Variants in PPM1B observed in about 807,000 individuals in gnomAD.
PPM1B encodes protein phosphatase, Mg2+/Mn2+ dependent 1B, also known as protein phosphatase 1B.
Under a neutral mutation model 43.0 loss-of-function variants are expected in PPM1B, and 22 were observed. That is an observed-to-expected ratio of 0.51 (90% CI 0.37 to 0.73). PPM1B has a LOEUF of 0.73. PPM1B is among the 30% of genes least tolerant of loss of function. The probability of loss-of-function intolerance (pLI) is 0.00; values close to 1 mark genes in which losing one functional copy is unlikely to be tolerated. For synonymous variants in PPM1B, 217 were observed against 197.9 expected (o/e 1.10, Z -0.81); for missense variants, 632 against 584.2 (o/e 1.08, Z -0.84).
intron 3 of PPM1B, among the ~76,000 whole-genome samples, chr2:44,210,127 C>A (rs144407474): frequency 6.5e-4 from 99 of 152,098 alleles, no homozygotes; most frequent in African/African-American, 2.3e-3. Context: ...GAATTCATTA[C>A]GGTATCCTTT....
chr2:44,173,213 C>T (rs569319229), intron 1 of PPM1B, among the ~76,000 whole-genome samples: 2 of 152,218 alleles, frequency 1.3e-5, no homozygotes, highest in Non-Finnish European at 2.9e-5. Flanking sequence ...CTGGAATCAG[C>T]GTTATGGTGA....
chr2:44,197,101 A>G (rs1668698228), intron 1 of PPM1B, among the ~76,000 whole-genome samples: 1 of 151,958 alleles, frequency 6.6e-6, no homozygotes, highest in South Asian at 2.1e-4. Context: ...TCTACCCCCT[A>G]CCCAGTTTCC....
At chr2:44,191,606 A>G (rs1357215693) in intron 1 of PPM1B, among the ~76,000 whole-genome samples, 3 of 152,212 alleles carry the variant, frequency 2.0e-5, no homozygotes, top group African/African-American at 2.4e-5. Context: ...ATGGTGATAC[A>G]AGTTAATGTA....
At chr2:44,170,076 C>G (rs1667254134) in intron 1 of PPM1B, among the ~76,000 whole-genome samples, 1 of 152,152 alleles carries the variant, frequency 6.6e-6, no homozygotes, top group Admixed American at 6.5e-5. Context: ...ATGAAGGACT[C>G]AGTGAGTGTT....
chr2:44,209,861 T>C (rs1413827947), intron 3 of PPM1B, among the ~76,000 whole-genome samples: 2 of 152,180 alleles, frequency 1.3e-5, no homozygotes, highest in Non-Finnish European at 2.9e-5. Flanking sequence ...GTCTAAAATT[T>C]ACTGTCTTGG....
downstream of PPM1B, chr2:44,233,786 A>G (rs923680552): frequency 6.1e-6 from 6 of 985,520 alleles, no homozygotes; most frequent in African/African-American, 1.0e-4. Flanking sequence ...GTCTAAAAGG[A>G]ATTATTGCCA....
chr2:44,214,495 C>T (rs989218644), intron 3 of PPM1B, among the ~76,000 whole-genome samples: 1 of 151,736 alleles, frequency 6.6e-6, no homozygotes, highest in Non-Finnish European at 1.5e-5. Context: ...ATAGGGACCA[C>T]TATGATAGAA....
intron 5 of PPM1B, among the ~76,000 whole-genome samples, chr2:44,224,163 T>C (rs1670105972): frequency 6.6e-6 from 1 of 151,920 alleles, no homozygotes; most frequent in Non-Finnish European, 1.5e-5. Flanking sequence ...ATTTTAAGAA[T>C]TTTGGTTATG....
chr2:44,200,741 A>G (rs1285292327), intron 1 of PPM1B, among the ~76,000 whole-genome samples: 3 of 152,176 alleles, frequency 2.0e-5, no homozygotes, highest in Non-Finnish European at 4.4e-5. Flanking sequence ...GATTTATTGA[A>G]CAAGATGACT....
downstream of PPM1B, among the ~76,000 whole-genome samples, chr2:44,236,402 C>CAAAAAAAAAAAAAAAAAAAAA (rs61414038): frequency 3.3e-3 from 157 of 47,506 alleles, 16 homozygotes; most frequent in Middle Eastern, 0.013. Flanking sequence ...GACTCCGTCT[C>CAAAAAAAAAAAAAAAAAAAAA]AAAAAAAAAA....
chr2:44,224,858 A>G (rs1211407712), intron 5 of PPM1B, among the ~76,000 whole-genome samples: 1 of 152,206 alleles, frequency 6.6e-6, no homozygotes, highest in Non-Finnish European at 1.5e-5. Context: ...TTAAGGAAAT[A>G]TAAACTTCAA....
chr2:44,225,777 C>G (rs567088526), intron 5 of PPM1B, among the ~76,000 whole-genome samples: 96 of 152,298 alleles, frequency 6.3e-4, no homozygotes, highest in African/African-American at 2.2e-3. Flanking sequence ...CTGCCTCACC[C>G]TCCCAAGTAG....
downstream of PPM1B, chr2:44,232,816 C>T (rs1453374589): frequency 4.1e-6 from 4 of 979,300 alleles, no homozygotes; most frequent in African/African-American, 3.5e-5. Flanking sequence ...CTTGGAATTT[C>T]ATTTGAGCAA....
chr2:44,219,790 G>A (rs1474647235), intron 5 of PPM1B, among the ~76,000 whole-genome samples: 1 of 151,792 alleles, frequency 6.6e-6, no homozygotes, highest in Non-Finnish European at 1.5e-5. Context: ...CTAAACATAC[G>A]ATATTAACTG....
rs1054532200 is a variant in PPM1B at position 44,229,296 on chromosome 2, G to A, written c.1135-1117G>A. 7.9e-5 allele frequency among the ~76,000 whole-genome samples: 12 copies of A among 151,972 alleles called. 1 individual carries two copies. Among genetic ancestry groups the A allele is most frequent in the African/African-American group, 2.7e-4 (11 of 41,382 alleles). On this transcript the variant is annotated intron_variant, in intron 5 of 5. Transcript: ENST00000282412. The stretch of plus-strand genomic sequence containing the variant: ...TAATTTTTGTGGGTACACTGTAGGT[G>A]TATAAAAAAATAAATTGTATAATAT...
At chr2:44,225,229 G>C (rs1015359819) in intron 5 of PPM1B, among the ~76,000 whole-genome samples, 1 of 152,178 alleles carries the variant, frequency 6.6e-6, no homozygotes, top group Non-Finnish European at 1.5e-5. Context: ...GACATAGAAT[G>C]GAATATGAAA....
intron 1 of PPM1B, among the ~76,000 whole-genome samples, chr2:44,179,686 T>G (rs1417890147): frequency 6.6e-6 from 1 of 152,204 alleles, no homozygotes; most frequent in Non-Finnish European, 1.5e-5. Context: ...TAGATGTTAG[T>G]GTGTCTATAA....
At chr2:44,192,334 C>G (rs2104078989) in intron 1 of PPM1B, among the ~76,000 whole-genome samples, 1 of 152,178 alleles carries the variant, frequency 6.6e-6, no homozygotes, top group South Asian at 2.1e-4. Context: ...TTTCCTGTCT[C>G]AGCCTCCCGA....
At chr2:44,224,803 T>A (rs1165309036) in intron 5 of PPM1B, among the ~76,000 whole-genome samples, 1 of 152,196 alleles carries the variant, frequency 6.6e-6, no homozygotes, top group East Asian at 1.9e-4. Context: ...TATGATAGTT[T>A]AATCAACATA....
Sources: gnomAD v4.1 joint callset for allele counts (sites outside exome capture counted in the v4.1 genomes callset) on GRCh38, gnomAD v4.1.1 for gene constraint, MANE v1.5 for transcripts, NCBI Gene and HGNC (gene_info 2026-07-23, HGNC 2026-07-21) for gene names.